Variants in GNAO1 observed in about 807,000 individuals in gnomAD.
The protein encoded by GNAO1 is guanine nucleotide-binding protein G(o) subunit alpha.
For missense variants in GNAO1, 166 were observed against 478.7 expected, an observed-to-expected ratio of 0.35 and a Z score of 6.10; for synonymous variants, 164 against 180.7, an observed-to-expected ratio of 0.91 and a Z score of 0.74.
intron 6 of GNAO1, among the ~76,000 whole-genome samples, chr16:56,337,114 G>A (rs1397815156): frequency 2.0e-5 from 3 of 152,204 alleles, no homozygotes; most frequent in Non-Finnish European, 4.4e-5. Context: ...CGTGCAGAAT[G>A]TGCCTCTTCC....
intron 6 of GNAO1, chr16:56,344,645 C>G: frequency 3.0e-6 from 3 of 985,252 alleles, no homozygotes; most frequent in Non-Finnish European, 3.6e-6. Context: ...TGGCGTGGAG[C>G]GGGGGGAGGG....
At chr16:56,255,564 C>T (rs2036838995) in intron 2 of GNAO1, 1 of 152,080 alleles carries the variant, frequency 6.6e-6, no homozygotes, top group Non-Finnish European at 1.5e-5. Flanking sequence ...ATTTTGTGTT[C>T]ATCTTGAAGT....
At chr16:56,198,752 T>C (rs1392673358) in intron 2 of GNAO1, among the ~76,000 whole-genome samples, 2 of 152,220 alleles carry the variant, frequency 1.3e-5, no homozygotes, top group African/African-American at 4.8e-5. Flanking sequence ...CTTTGATTAG[T>C]GGGTGTTCCC....
At chr16:56,276,166 C>G (rs756630839) in intron 3 of GNAO1, 94 bp downstream of exon 3, 1 of 1,026,152 alleles carries the variant, frequency 9.7e-7, no homozygotes, top group Non-Finnish European at 1.4e-6. Context: ...CTTAAATGAA[C>G]GAGAAGAGAC....
At chr16:56,288,557 TG>T (rs2037196262) in intron 3 of GNAO1, among the ~76,000 whole-genome samples, 1 of 152,164 alleles carries the variant, frequency 6.6e-6, no homozygotes, top group South Asian at 2.1e-4. Flanking sequence ...TGCTTCCTCT[TG>T]GGGAAAAGTC....
chr16:56,299,843 A>C (rs543810302), intron 3 of GNAO1, among the ~76,000 whole-genome samples: 2 of 152,270 alleles, frequency 1.3e-5, no homozygotes, highest in African/African-American at 4.8e-5. Flanking sequence ...TGCTGGGAGA[A>C]ATCAGCACAG....
rs1596871381 is a variant in GNAO1 at position 56,334,747 on chromosome 16, T to A, written c.483T>A (p.Asp161Glu). ...DSAKYYLDSL[D>E]RIGAADYQPT... ...TCCTCAGCTACCTGGACAGCCTGGA[T>A]CGGATTGGGGCCGCCGACTACCAGC... is the stretch of plus-strand genomic sequence containing the variant. Residue 161 changes from aspartate (D) to glutamate (E), a missense_variant, in exon 5 of 9, where the codon GAT becomes GAA. Transcript: ENST00000262493. 6.2e-7 allele frequency: 1 copy of A among 1,613,990 alleles called. No individual in the cohort carries two copies. The highest frequency in any genetic ancestry group is 8.5e-7 in the Non-Finnish European group (1 of 1,180,018).
chr16:56,226,006 A>T lies in GNAO1; in HGVS notation c.161+33390A>T, dbSNP rs1463414450. ...GCAGAAGGAACAGGAGTACAAAGAC[A>T]GTACAAAGACAGAGCCAGTGGTGAG... On this transcript the variant is annotated intron_variant, in intron 2 of 8. Coordinates refer to ENST00000262493, the MANE Select transcript of GNAO1 (RefSeq NM_020988.3). 2.0e-5 allele frequency among the ~76,000 whole-genome samples: 3 copies of T among 152,076 alleles called. No homozygotes were observed. The South Asian group carries it at 6.2e-4, about 32-fold the overall frequency.
In GNAO1 at chr16:56,303,496, G is replaced by A. The variant is rs546084742; in HGVS notation, c.304-25135G>A. 2.0e-5 allele frequency among the ~76,000 whole-genome samples: 3 copies of A among 152,322 alleles called. No individual in the cohort carries two copies. The South Asian group carries it at 6.2e-4, about 32-fold the overall frequency. Reference sequence around the variant, plus strand: ...GGCTCTGCTGAGGCCAGCATTTTCTGTGTGGACAGACCCTGACATGGGAGA... The same window carrying A: ...GGCTCTGCTGAGGCCAGCATTTTCTATGTGGACAGACCCTGACATGGGAGA... On this transcript the variant is annotated intron_variant, in intron 3 of 8. Transcript: ENST00000262493.
chr16:56,298,499 A>G (rs1434497148), intron 3 of GNAO1, among the ~76,000 whole-genome samples: 1 of 152,220 alleles, frequency 6.6e-6, no homozygotes, highest in African/African-American at 2.4e-5. Flanking sequence ...TTACCCTGAC[A>G]GTCTTCATTT....
At chr16:56,325,224 C>T (rs1490464353) in intron 3 of GNAO1, among the ~76,000 whole-genome samples, 1 of 152,226 alleles carries the variant, frequency 6.6e-6, no homozygotes, top group African/African-American at 2.4e-5. Flanking sequence ...CGCCTGTAAT[C>T]CCAACACTTT....
rs2143269752 is a variant in GNAO1, at chr16:56,192,144, C to T, written c.-92C>T. ...ATATCGTGATTTTCCCCCCTTGAGC[C>T]CAGGCTCTGCTCTCTGGGGGGGTGG... is the stretch of plus-strand genomic sequence containing the variant. On this transcript the variant is annotated 5_prime_UTR_variant, in exon 1 of 9. Coordinates refer to ENST00000262493, the MANE Select transcript of GNAO1 (RefSeq NM_020988.3). The T allele has an allele frequency of 2.8e-6, 2 of 713,700 alleles. No homozygotes were observed. Among genetic ancestry groups the T allele is most frequent in the Non-Finnish European group, 4.9e-6 (2 of 405,464 alleles). The allele number at this position is 713,700 out of a possible 1,614,324, so 44.2% of individuals were successfully genotyped here.
At chr16:56,206,626 G>A (rs552212779) in intron 2 of GNAO1, among the ~76,000 whole-genome samples, 1 of 152,266 alleles carries the variant, frequency 6.6e-6, no homozygotes, top group South Asian at 2.1e-4. Flanking sequence ...TACTGTGTAT[G>A]TTTATCGAAA....
chr16:56,278,754 C>T (rs1320023506), intron 3 of GNAO1, among the ~76,000 whole-genome samples: 1 of 152,128 alleles, frequency 6.6e-6, no homozygotes, highest in African/African-American at 2.4e-5. Context: ...GCAGATAATT[C>T]AGAGTGGGAG....
intron 2 of GNAO1, among the ~76,000 whole-genome samples, chr16:56,275,404 G>T (rs77116345): frequency 1.3e-5 from 2 of 152,186 alleles, no homozygotes; most frequent in African/African-American, 2.4e-5. Context: ...GAAAAAGTAG[G>T]CAAACCCTTT....
chr16:56,284,208 G>A (rs116346566), intron 3 of GNAO1, among the ~76,000 whole-genome samples: 15 of 152,334 alleles, frequency 9.8e-5, no homozygotes, highest in East Asian at 9.6e-4. Flanking sequence ...AGAGGCTCCC[G>A]GTCTTGGGCA....
At chr16:56,248,482 T>C (rs1050504947) in intron 2 of GNAO1, among the ~76,000 whole-genome samples, 17 of 152,202 alleles carry the variant, frequency 1.1e-4, no homozygotes, top group African/African-American at 4.1e-4. Context: ...GCTGTTCTGG[T>C]CCATGATAAC....
chr16:56,311,965 C>A lies in GNAO1; in HGVS notation c.304-16666C>A, dbSNP rs534580829. ...TAATGCCGGTTCCCCTGGGTGGGCACCAGCCAAGCCCTCTGGGAGCTGAGA... is the reference window on the plus strand; with the variant it reads ...TAATGCCGGTTCCCCTGGGTGGGCAACAGCCAAGCCCTCTGGGAGCTGAGA... On this transcript the variant is annotated intron_variant, in intron 3 of 8. Coordinates refer to ENST00000262493, the MANE Select transcript of GNAO1 (RefSeq NM_020988.3). This position sits in a 1 kb window ranked among gnomAD's most constrained non-coding sequence, Gnocchi z 5.2. 6.9e-4 allele frequency among the ~76,000 whole-genome samples: 105 copies of A among 152,272 alleles called. No individual in the cohort carries two copies. In the South Asian group the frequency reaches 0.022, roughly 32 times the overall value.
rs1034006975 is a variant in GNAO1 at position 56,356,629 on chromosome 16, G to C, written c.*555G>C. 2.6e-5 allele frequency: 4 copies of C among 152,842 alleles called. No individual in the cohort carries two copies. Among genetic ancestry groups the C allele is most frequent in the African/African-American group, 9.6e-5 (4 of 41,452 alleles). The allele number at this position is 152,842 out of a possible 1,614,324, so 9.5% of individuals were successfully genotyped here. ...CCACTCCCGCCACACGCTCACTCCA[G>C]GTTCGTATAGAAAAAGCACAGCTCT... On this transcript the variant is annotated 3_prime_UTR_variant, in exon 9 of 9. Coordinates refer to ENST00000262493, the MANE Select transcript of GNAO1 (RefSeq NM_020988.3).
Sources: gnomAD v4.1 joint callset for allele counts (sites outside exome capture counted in the v4.1 genomes callset) on GRCh38, gnomAD v4.1.1 for gene constraint, Gnocchi (gnomAD v3.1) non-coding constraint, MANE v1.5 for transcripts, NCBI Gene and HGNC (gene_info 2026-07-23, HGNC 2026-07-21) for gene names.